The following MOCOS variants were observed in gnomAD, a reference collection of about 807,000 sequenced individuals.
The protein encoded by MOCOS is molybdenum cofactor sulfurase.
A neutral mutation model predicts 83.6 loss-of-function variants in MOCOS; 86 were observed. That is an observed-to-expected ratio of 1.03 (90% CI 0.86 to 1.23). The LOEUF (loss-of-function observed/expected upper bound fraction) is 1.23. Among genes scored for constraint, MOCOS ranks in the 50% most tolerant of loss-of-function variants. The pLI, the probability that MOCOS is intolerant of heterozygous loss-of-function variation, is 0.00. For missense variants in MOCOS, 1,120 were observed against 1,126.9 expected (o/e 0.99, Z 0.09); for synonymous variants, 445 against 434.7 (o/e 1.02, Z -0.29).
intron 13 of MOCOS, among the ~76,000 whole-genome samples, chr18:36,263,445 G>A (rs1376690746): frequency 6.6e-6 from 1 of 152,224 alleles, no homozygotes; most frequent in Non-Finnish European, 1.5e-5. Context: ...ATTGCAAAAT[G>A]CAAGGATGAG....
intron 13 of MOCOS, among the ~76,000 whole-genome samples, chr18:36,262,276 C>CACACACACACACACACACACACA (rs1555656486): frequency 1.3e-5 from 2 of 151,222 alleles, no homozygotes; most frequent in Middle Eastern, 3.4e-3. Context: ...CACACACACA[C>CACACACACACACACACACACACA]GAAAAATTAG....
chr18:36,214,493 G>A (rs879825821), intron 7 of MOCOS, among the ~76,000 whole-genome samples: 11 of 152,020 alleles, frequency 7.2e-5, no homozygotes, highest in Admixed American at 7.2e-4. Flanking sequence ...CAGGGATTCT[G>A]CGTCTCCCAG....
intron 6 of MOCOS, among the ~76,000 whole-genome samples, chr18:36,210,627 G>GACCA (rs1038482277): frequency 6.6e-6 from 1 of 151,860 alleles, no homozygotes; most frequent in Non-Finnish European, 1.5e-5. Flanking sequence ...GAGGTTGGTG[G>GACCA]ACCACCTGAG....
At position 36,213,397 on chromosome 18, in the gene MOCOS, A is replaced by G. The variant is rs1201353911; in HGVS notation, c.1250A>G (p.His417Arg). The G allele has an allele frequency of 3.1e-6, 5 of 1,613,922 alleles. No homozygotes were observed. The highest frequency in any genetic ancestry group is 2.2e-5 in the East Asian group (1 of 44,888). ...AAAATGGCCAGTCTTTACAACATCC[A>G]CCTGCGAACTGGCTGCTTCTGTAAC... Reference protein sequence around the residue: ...VDKMASLYNIHLRTGCFCNTG... With the variant: ...VDKMASLYNIRLRTGCFCNTG... Residue 417 changes from histidine (H) to arginine (R), a missense_variant, in exon 7 of 15, where the codon CAC (histidine) becomes CGC (arginine). By Grantham distance (29) the His-to-Arg change is conservative. Coordinates refer to ENST00000261326, the MANE Select transcript of MOCOS (RefSeq NM_017947.4).
At chr18:36,207,354 A>G (rs1229632551) in intron 6 of MOCOS, among the ~76,000 whole-genome samples, 1 of 152,164 alleles carries the variant, frequency 6.6e-6, no homozygotes. Context: ...GTTCTGTTTT[A>G]AATTCTTTTA....
At chr18:36,207,081 A>C (rs2091437663) in intron 6 of MOCOS, among the ~76,000 whole-genome samples, 1 of 152,132 alleles carries the variant, frequency 6.6e-6, no homozygotes, top group African/African-American at 2.4e-5. Flanking sequence ...TTGTTGCCCA[A>C]GCTGGAGTGC....
rs1198827760 is a variant in MOCOS, at chr18:36,257,093, G to A, written c.2270+20G>A. On this transcript the variant is annotated intron_variant, in intron 12 of 14. Coordinates refer to ENST00000261326, the MANE Select transcript of MOCOS (RefSeq NM_017947.4). ...CACCAGGTAAGACCTCATACCTCGG[G>A]ACTAGCAGACAAGCATAACCATTTG... 2 of 1,594,200 alleles carry A rather than the reference G, an allele frequency of 1.3e-6. No homozygotes were observed. Among genetic ancestry groups the A allele is most frequent in the Non-Finnish European group, 1.7e-6 (2 of 1,162,124 alleles).
chr18:36,214,244 C>CAAAAAAAAAAAAAA (rs33965546), intron 7 of MOCOS, among the ~76,000 whole-genome samples: 19 of 91,242 alleles, frequency 2.1e-4, no homozygotes, highest in African/African-American at 2.7e-4. Context: ...AACTCAGTCT[C>CAAAAAAAAAAAAAA]AAAAAAAAAA....
intron 9 of MOCOS, among the ~76,000 whole-genome samples, chr18:36,241,308 T>G (rs505784): frequency 0.58 from 87,790 of 152,090 alleles, 26,164 homozygotes; most frequent in African/African-American, 0.7. Flanking sequence ...TGGGGTACAA[T>G]AATTGGGTAA....
At chr18:36,239,952 C>T (rs1439639343) in intron 9 of MOCOS, among the ~76,000 whole-genome samples, 18 of 150,420 alleles carry the variant, frequency 1.2e-4, no homozygotes, top group South Asian at 6.3e-4. Context: ...CTGCATTCTT[C>T]GTGTAGTTCT....
chr18:36,230,844 G>A (rs922294345), intron 9 of MOCOS, among the ~76,000 whole-genome samples: 1 of 152,042 alleles, frequency 6.6e-6, no homozygotes, highest in African/African-American at 2.4e-5. Context: ...CATGTTCTGG[G>A]GTTCAGGAGC....
Position 36,187,634 on chromosome 18 carries a change from C to A in MOCOS, c.95C>A (p.Pro32Gln), listed in dbSNP as rs986619553. Residue 32 changes from proline to glutamine, a missense_variant, in exon 1 of 15, where the codon CCG becomes CAG. By Grantham distance (76) the Pro-to-Gln change is moderately conservative. Coordinates refer to ENST00000261326, the MANE Select transcript of MOCOS (RefSeq NM_017947.4). Reference protein sequence around the residue: ...SAPRLAYGYGPGSLRELRARE... With the variant: ...SAPRLAYGYGQGSLRELRARE... ...CCGCGGCTAGCCTACGGCTACGGCC[C>A]GGGCAGCCTGCGCGAGCTGCGGGCG... The A allele has an allele frequency of 3.2e-6, 4 of 1,250,610 alleles. No homozygotes were observed. Among genetic ancestry groups the A allele is most frequent in the Non-Finnish European group, 4.0e-6 (4 of 997,086 alleles). The allele number at this position is 1,250,610 out of a possible 1,614,324, so 77.5% of individuals were successfully genotyped here.
intron 9 of MOCOS, among the ~76,000 whole-genome samples, chr18:36,238,571 G>A (rs796071057): frequency 3.4e-5 from 5 of 147,010 alleles, no homozygotes; most frequent in African/African-American, 1.3e-4. Flanking sequence ...GTCAATTTTG[G>A]AATAGGTGTG....
At chr18:36,210,144 C>G (rs1389084145) in intron 6 of MOCOS, among the ~76,000 whole-genome samples, 1 of 152,182 alleles carries the variant, frequency 6.6e-6, no homozygotes, top group Non-Finnish European at 1.5e-5. Flanking sequence ...TAAAATGATG[C>G]TGTCCTTATA....
At chr18:36,210,125 T>C (rs1360434222) in intron 6 of MOCOS, among the ~76,000 whole-genome samples, 3 of 152,234 alleles carry the variant, frequency 2.0e-5, no homozygotes, top group African/African-American at 7.2e-5. Context: ...CTCTGCCATG[T>C]TGTGGTATTA....
intron 6 of MOCOS, among the ~76,000 whole-genome samples, chr18:36,212,612 C>T (rs2091459321): frequency 6.6e-6 from 1 of 152,202 alleles, no homozygotes. Context: ...TCTTCTCACA[C>T]ACCAGAGGAG....
chr18:36,213,371 C>T lies in MOCOS; in HGVS notation c.1224C>T (p.Asp408=). 6.2e-7 allele frequency: 1 copy of T among 1,613,926 alleles called. No individual in the cohort carries two copies. Among genetic ancestry groups the T allele is most frequent in the Non-Finnish European group, 8.5e-7 (1 of 1,179,832 alleles). Residue 408 remains aspartate (D), a synonymous_variant, in exon 7 of 15, where the codon GAC becomes GAT. Coordinates refer to ENST00000261326, the MANE Select transcript of MOCOS (RefSeq NM_017947.4). ...KGNIIGYSQV[D]KMASLYNIHL... ...ATGTTACATTAAATCCGCAGGTGGA[C>T]AAAATGGCCAGTCTTTACAACATCC...
chr18:36,220,621 A>G (rs1288906895), intron 9 of MOCOS, among the ~76,000 whole-genome samples: 2 of 152,326 alleles, frequency 1.3e-5, no homozygotes, highest in South Asian at 2.1e-4. Flanking sequence ...GAAAGATCTG[A>G]CAGTTCAATC....
chr18:36,261,692 G>A (rs1007273731), intron 13 of MOCOS, among the ~76,000 whole-genome samples: 3 of 152,126 alleles, frequency 2.0e-5, no homozygotes, highest in Admixed American at 1.3e-4. Context: ...CCCTTGACAA[G>A]CAATCTATAT....
Sources: allele counts gnomAD v4.1 joint callset (sites outside exome capture counted in the v4.1 genomes callset), GRCh38; gene constraint gnomAD v4.1.1; transcripts MANE v1.5; gene names NCBI Gene and HGNC (gene_info 2026-07-23, HGNC 2026-07-21).